The following E4F1 variants were observed in gnomAD, a reference collection of about 807,000 sequenced individuals.
E4F1 encodes transcription factor E4F1.
E4F1 carries 30 observed loss-of-function variants against 72.9 expected under a neutral mutation model. The ratio of observed to expected loss-of-function variants is 0.41; its 90% CI spans 0.31 to 0.56. The LOEUF is 0.56. Among genes scored for constraint, E4F1 ranks in the 20% least tolerant of loss-of-function variants. The pLI is 0.25. For missense variants in E4F1, 1,091 were observed against 1,117.5 expected, an observed-to-expected ratio of 0.98 and a Z score of 0.34; for synonymous variants, 542 against 478.2, an observed-to-expected ratio of 1.13 and a Z score of -1.74.
At chr16:2,225,768 G>A (rs1480272199) in intron 1 of E4F1, among the ~76,000 whole-genome samples, 6 of 146,592 alleles carry the variant, frequency 4.1e-5, no homozygotes, top group East Asian at 2.0e-4. Context: ...CACCGTGCCC[G>A]GCTCCTCCCA....
In E4F1 at chr16:2,232,907, A is replaced by G; in HGVS notation, c.882A>G (p.Ala294=). Residue 294 remains alanine, a splice_region_variant and synonymous_variant, in exon 6 of 14, where the codon GCA becomes GCG. Transcript: ENST00000301727. ...DVVVSKEDAR[A]GSGAGAAGLG... ...TTGTCAGCAAAGAGGACGCACGTGCAGGTCAGCATGGTGCGGGCAGCTGCC... is the reference window on the plus strand; with the variant it reads ...TTGTCAGCAAAGAGGACGCACGTGCGGGTCAGCATGGTGCGGGCAGCTGCC... The G allele has an allele frequency of 6.2e-7, 1 of 1,613,282 alleles. No individual in the cohort carries two copies. Among genetic ancestry groups the G allele is most frequent in the Non-Finnish European group, 8.5e-7 (1 of 1,179,998 alleles).
intron 2 of E4F1, 94 bp from the exon 3 acceptor site, chr16:2,229,476 C>T: frequency 7.3e-7 from 1 of 1,373,934 alleles, no homozygotes; most frequent in African/African-American, 1.4e-5. Flanking sequence ...AGTCACACCT[C>T]CACAGCTTTA....
chr16:2,223,974 T>TC (rs1353508705), intron 1 of E4F1: 2 of 1,505,152 alleles, frequency 1.3e-6, no homozygotes, highest in African/African-American at 1.4e-5. Flanking sequence ...GCGCCTGTCA[T>TC]CCCCCCTCTC....
intron 3 of E4F1, 127 bp downstream of exon 3, chr16:2,229,802 C>T (rs2093455858): frequency 1.4e-5 from 14 of 982,320 alleles, no homozygotes; most frequent in South Asian, 1.0e-4. Context: ...GCCGCGGCCT[C>T]GTGGCAGCCT....
rs748576332 is a variant in E4F1, at chr16:2,223,727, C to T, written c.114C>T (p.Ala38=). The T allele has an allele frequency of 1.3e-6, 2 of 1,546,146 alleles. No homozygotes were observed. Among genetic ancestry groups the T allele is most frequent in the South Asian group, 2.4e-5 (2 of 84,528 alleles). ...GAVAAVAAAL[A]PSGFLGLPAP... is the part of the protein sequence containing the mutation. Reference sequence around the variant, plus strand: ...TTGCGGCGGTGGCGGCGGCCTTGGCCCCCAGCGGCTTCCTCGGCCTCCCGG... The same window carrying T: ...TTGCGGCGGTGGCGGCGGCCTTGGCTCCCAGCGGCTTCCTCGGCCTCCCGG... The change falls in exon 1 of 14, where the codon GCC becomes GCT. Residue 38 remains alanine, a synonymous_variant. Coordinates refer to ENST00000301727, the MANE Select transcript of E4F1 (RefSeq NM_004424.5).
intron 1 of E4F1, among the ~76,000 whole-genome samples, chr16:2,227,855 G>T (rs1022656516): frequency 1.3e-4 from 20 of 149,298 alleles, no homozygotes; most frequent in Non-Finnish European, 2.1e-4. Flanking sequence ...GGTAGAGATG[G>T]GTCTTGCTAT....
At chr16:2,226,743 C>T (rs1442768333) in intron 1 of E4F1, among the ~76,000 whole-genome samples, 12 of 152,226 alleles carry the variant, frequency 7.9e-5, no homozygotes, top group African/African-American at 2.9e-4. Flanking sequence ...TCTCCATTTC[C>T]ACAGGGTGCT....
At chr16:2,229,110 C>T (rs2093450083) in intron 2 of E4F1, among the ~76,000 whole-genome samples, 1 of 152,230 alleles carries the variant, frequency 6.6e-6, no homozygotes, top group Admixed American at 6.5e-5. Flanking sequence ...ACCCTGGACA[C>T]CCCACTCTGA....
intron 2 of E4F1, among the ~76,000 whole-genome samples, chr16:2,229,048 AAGTGGTCAGTGGCCTCTGGCCACC>A (rs2093449733): frequency 6.6e-6 from 1 of 152,208 alleles, no homozygotes; most frequent in African/African-American, 2.4e-5. Flanking sequence ...CAGGCTCAGA[AAGTGGTCAGTGGCCTCTGGCCACC>A]AGTGGGCCGT....
chr16:2,228,175 A>G, intron 1 of E4F1, 197 bp from the exon 2 acceptor site: 1 of 702,510 alleles, frequency 1.4e-6, no homozygotes, highest in Non-Finnish European at 2.5e-6. Context: ...GCCCCTGCAG[A>G]CCTGCAGAGG....
chr16:2,230,010 T>C, intron 3 of E4F1: 1 of 307,422 alleles, frequency 3.3e-6, no homozygotes, highest in Non-Finnish European at 6.5e-6. Flanking sequence ...TCCTGCTCCC[T>C]GCCCGTAGGC....
intron 1 of E4F1, among the ~76,000 whole-genome samples, chr16:2,225,422 C>T (rs2093425121): frequency 1.3e-5 from 2 of 151,184 alleles, no homozygotes; most frequent in African/African-American, 4.9e-5. Flanking sequence ...TCACTTGAGC[C>T]CAAGGAGTTC....
intron 7 of E4F1, 26 bp downstream of exon 7, chr16:2,233,209 GGCTGCTCTGTCTTCTGCCTGCTCGGT>G: frequency 1.9e-6 from 3 of 1,579,970 alleles, no homozygotes; most frequent in Non-Finnish European, 2.6e-6. Context: ...GGCCCCGGAG[GGCTGCTCTGTCTTCTGCCTGCTCGGT>G]GCCAGTCTTT....
rs769848198 is a variant in E4F1 at position 2,235,522 on chromosome 16, G to A, written c.2305G>A (p.Val769Ile). ...IEILEHAGEL[V>I]IASPEGQLEV... ...GATCCTGGAGCATGCAGGCGAGCTG[G>A]TCATCGCCTCGCCGGAGGGCCAGCT... Residue 769 changes from valine (V) to isoleucine (I), a missense_variant, in exon 14 of 14, where the codon GTC (valine) becomes ATC (isoleucine). Physicochemically the swap from Val to Ile is conservative, Grantham distance 29. Transcript: ENST00000301727. 6.2e-7 allele frequency: 1 copy of A among 1,606,720 alleles called. No individual in the cohort carries two copies. Among genetic ancestry groups the A allele is most frequent in the East Asian group, 2.2e-5 (1 of 44,616 alleles).
intron 3 of E4F1, chr16:2,231,066 G>C (rs1421595411): frequency 6.6e-6 from 1 of 152,416 alleles, no homozygotes; most frequent in Non-Finnish European, 1.5e-5. Context: ...TGGGTACTCT[G>C]TGTGTGCCCT....
chr16:2,226,581 G>A (rs527623336), intron 1 of E4F1, among the ~76,000 whole-genome samples: 47 of 152,362 alleles, frequency 3.1e-4, no homozygotes, highest in African/African-American at 1.1e-3. Flanking sequence ...TGATCCTGCC[G>A]AGGGACTGAA....
Position 2,233,488 on chromosome 16 carries a change from C to A in E4F1, c.1107C>A (p.Asn369Lys). 6.6e-7 allele frequency: 1 copy of A among 1,507,250 alleles called. No homozygotes were observed. Among genetic ancestry groups the A allele is most frequent in the Middle Eastern group, 1.8e-4 (1 of 5,548 alleles). The allele number at this position is 1,507,250 out of a possible 1,614,324, so 93.4% of individuals were successfully genotyped here. A position where few individuals can be genotyped will look rare whatever the true frequency, so the allele number is the denominator to read the frequency against. The change falls in exon 8 of 14, where the codon AAC (asparagine) becomes AAA (lysine). Residue 369 changes from asparagine to lysine, a missense_variant. Physicochemically the swap from Asn to Lys is moderately conservative, Grantham distance 94 (BLOSUM62 0). Transcript: ENST00000301727. The part of the protein sequence containing the change: ...LPCSSEGSRE[N>K]LLHQAMQNSG... ...GCTCCAGCGAGGGCAGCCGTGAGAACCTGCTGCACCAGGCCATGCAGAACT... is the reference window on the plus strand; with the variant it reads ...GCTCCAGCGAGGGCAGCCGTGAGAAACTGCTGCACCAGGCCATGCAGAACT...
rs1225806090 is a variant in E4F1, at chr16:2,235,151, G to A, written c.1998+8G>A. On this transcript the variant is annotated splice_region_variant and intron_variant, in intron 13 of 13. Coordinates refer to ENST00000301727, the MANE Select transcript of E4F1 (RefSeq NM_004424.5). ...GAGGGCACCCAGACAGAGGTGAGGG[G>A]TAGGGCAGGCGGGGGCGGGGAGGCT... 6.2e-7 allele frequency: 1 copy of A among 1,611,932 alleles called. No individual in the cohort carries two copies. Among genetic ancestry groups the A allele is most frequent in the Non-Finnish European group, 8.5e-7 (1 of 1,179,836 alleles).
At chr16:2,228,873 T>C (rs1034034105) in intron 2 of E4F1, among the ~76,000 whole-genome samples, 1 of 152,214 alleles carries the variant, frequency 6.6e-6, no homozygotes, top group African/African-American at 2.4e-5. Context: ...ACACAGTCCC[T>C]AGGGACTTCA....
Sources: gnomAD v4.1 joint callset for allele counts (sites outside exome capture counted in the v4.1 genomes callset) on GRCh38, gnomAD v4.1.1 for gene constraint, MANE v1.5 for transcripts, NCBI Gene and HGNC (gene_info 2026-07-23, HGNC 2026-07-21) for gene names.